The following C1orf21 variants were observed in gnomAD, a reference collection of about 807,000 sequenced individuals.
C1orf21 encodes the protein uncharacterized protein C1orf21.
In C1orf21, 3 loss-of-function variants were observed where a neutral mutation model predicts 18.7. The observed-to-expected ratio is 0.16, with a 90% CI of 0.07 to 0.42. C1orf21 has a LOEUF of 0.42. Among genes scored for constraint, C1orf21 ranks in the 10% least tolerant of loss-of-function variants. The pLI, the probability that C1orf21 is intolerant of heterozygous loss-of-function variation, is 0.99. For synonymous variants in C1orf21, 41 were observed against 46.4 expected (o/e 0.88, Z 0.47); for missense variants, 104 against 143.6 (o/e 0.72, Z 1.41).
intron 1 of C1orf21, among the ~76,000 whole-genome samples, chr1:184,425,450 C>T (rs992198666): frequency 1.3e-5 from 2 of 151,702 alleles, no homozygotes; most frequent in African/African-American, 2.4e-5. Context: ...TTTGTAGAGA[C>T]GAGGTCTCTC....
intron 1 of C1orf21, among the ~76,000 whole-genome samples, chr1:184,430,818 T>C (rs1272943720): frequency 6.6e-6 from 1 of 152,228 alleles, no homozygotes; most frequent in Admixed American, 6.5e-5. Flanking sequence ...TCTAATTCTG[T>C]GAAGAAAGTC....
intron 1 of C1orf21, among the ~76,000 whole-genome samples, chr1:184,415,040 A>G (rs1040228945): frequency 2.0e-5 from 3 of 152,176 alleles, no homozygotes; most frequent in South Asian, 2.1e-4. Context: ...TTGGGCTGCT[A>G]TCTTCTTGGA....
rs138231518 is a variant in C1orf21 at position 184,406,608 on chromosome 1, T to C, written c.-125+19240T>C. Among the ~76,000 whole-genome samples, 847 of 152,284 alleles carry C rather than the reference T, an allele frequency of 5.6e-3. 6 individuals are homozygous for C. The highest frequency in any genetic ancestry group is 0.01 in the South Asian group (50 of 4,820). On this transcript the variant is annotated intron_variant, in intron 1 of 5. Coordinates refer to ENST00000235307, the MANE Select transcript of C1orf21 (RefSeq NM_030806.4). ...GTGCATTCAGAACATCTTTTCCTGATTGCTCCTTTAAAGGGCTATTCAGGA... is the reference window on the plus strand; with the variant it reads ...GTGCATTCAGAACATCTTTTCCTGACTGCTCCTTTAAAGGGCTATTCAGGA...
chr1:184,481,564 A>G (rs1430817084), intron 2 of C1orf21, among the ~76,000 whole-genome samples: 4 of 152,128 alleles, frequency 2.6e-5, no homozygotes, highest in African/African-American at 7.2e-5. Context: ...GGGGCTAAAA[A>G]TCAGTTTACC....
chr1:184,596,074 G>C (rs1047169382), intron 4 of C1orf21, among the ~76,000 whole-genome samples: 5 of 152,148 alleles, frequency 3.3e-5, no homozygotes, highest in Admixed American at 6.5e-5. Flanking sequence ...TGTGATAAGT[G>C]CATTCTTGAT....
At chr1:184,425,221 T>C (rs904258876) in intron 1 of C1orf21, among the ~76,000 whole-genome samples, 1 of 152,022 alleles carries the variant, frequency 6.6e-6, no homozygotes, top group Non-Finnish European at 1.5e-5. Context: ...AGATGGTGTA[T>C]GTGGAAGGAC....
chr1:184,425,277 T>C (rs1276949475), intron 1 of C1orf21, among the ~76,000 whole-genome samples: 1 of 151,858 alleles, frequency 6.6e-6, no homozygotes, highest in Admixed American at 6.6e-5. Context: ...CTTTTTTTTT[T>C]TTTTCCTTGA....
intron 4 of C1orf21, among the ~76,000 whole-genome samples, chr1:184,597,007 G>A (rs1163065253): frequency 6.6e-6 from 1 of 152,188 alleles, no homozygotes; most frequent in East Asian, 1.9e-4. Context: ...TGGTGCTTGA[G>A]ACGGTGAAAA....
chr1:184,410,083 C>G (rs970457931), intron 1 of C1orf21, among the ~76,000 whole-genome samples: 12 of 152,062 alleles, frequency 7.9e-5, no homozygotes, highest in Admixed American at 7.2e-4. Flanking sequence ...AGTAAATATA[C>G]TGTAAGGTTC....
chr1:184,577,535 T>G (rs1437063275), intron 3 of C1orf21, among the ~76,000 whole-genome samples: 2 of 152,132 alleles, frequency 1.3e-5, no homozygotes, highest in Non-Finnish European at 2.9e-5. Context: ...TAAAGAGAGT[T>G]GTGGGTGTGT....
At chr1:184,502,671 A>G (rs1197373959) in intron 2 of C1orf21, among the ~76,000 whole-genome samples, 1 of 152,126 alleles carries the variant, frequency 6.6e-6, no homozygotes, top group African/African-American at 2.4e-5. Context: ...CAGTCTTTAT[A>G]CTTCCCCTCG....
intron 2 of C1orf21, among the ~76,000 whole-genome samples, chr1:184,481,540 G>A (rs981820446): frequency 2.2e-4 from 34 of 152,148 alleles, no homozygotes; most frequent in Non-Finnish European, 3.8e-4. Flanking sequence ...ATAGGTGCAG[G>A]GAGGGTCAAG....
intron 5 of C1orf21, among the ~76,000 whole-genome samples, chr1:184,618,872 TC>T (rs1659873428): frequency 6.6e-6 from 1 of 152,174 alleles, no homozygotes; most frequent in East Asian, 1.9e-4. Context: ...AATCATGTCT[TC>T]ATTGAGTTTA....
At chr1:184,504,540 A>G (rs1183676875) in intron 2 of C1orf21, among the ~76,000 whole-genome samples, 1 of 152,226 alleles carries the variant, frequency 6.6e-6, no homozygotes, top group Non-Finnish European at 1.5e-5. Flanking sequence ...GTGAGGTAGG[A>G]CGTTCCTGAT....
intron 2 of C1orf21, among the ~76,000 whole-genome samples, chr1:184,484,636 A>G (rs1354972283): frequency 6.6e-6 from 1 of 152,172 alleles, no homozygotes; most frequent in Non-Finnish European, 1.5e-5. Flanking sequence ...GCCCTCCCAT[A>G]TAACTAAGGT....
rs533817079 is a variant in C1orf21 at position 184,510,554 on chromosome 1, G to T, written c.189+2872G>T. ...ACGATGGGCCTCAAAGTATGGAATT[G>T]GGGACAAGTGCCCAAGCAGAAGTAA... On this transcript the variant is annotated intron_variant, in intron 3 of 5. Coordinates refer to ENST00000235307, the MANE Select transcript of C1orf21 (RefSeq NM_030806.4). Among the ~76,000 whole-genome samples the T allele has an allele frequency of 3.3e-5, 5 of 152,268 alleles. No individual in the cohort carries two copies. The East Asian group carries it at 9.7e-4, about 29-fold the overall frequency.
intron 2 of C1orf21, among the ~76,000 whole-genome samples, chr1:184,499,422 C>G (rs1657939859): frequency 6.6e-6 from 1 of 152,116 alleles, no homozygotes; most frequent in Non-Finnish European, 1.5e-5. Context: ...CTTTGGATAT[C>G]ACATGAATTC....
chr1:184,567,337 CA>C (rs1659048416), intron 3 of C1orf21: 1 of 468,598 alleles, frequency 2.1e-6, no homozygotes, highest in African/African-American at 2.0e-5. Flanking sequence ...TCCAGGAAAG[CA>C]GGACCTGTTT....
chr1:184,425,169 A>G (rs1204795030), intron 1 of C1orf21, among the ~76,000 whole-genome samples: 2 of 152,198 alleles, frequency 1.3e-5, no homozygotes, highest in Non-Finnish European at 1.5e-5. Context: ...ATGTCAATCA[A>G]GATTAGCCGT....
Sources: gnomAD v4.1 joint callset for allele counts (sites outside exome capture counted in the v4.1 genomes callset) on GRCh38, gnomAD v4.1.1 for gene constraint, MANE v1.5 for transcripts, NCBI Gene and HGNC (gene_info 2026-07-23, HGNC 2026-07-21) for gene names.